The following CDH22 variants were observed in gnomAD, a reference collection of about 807,000 sequenced individuals.
The protein encoded by CDH22 is cadherin 22.
In CDH22, 30 loss-of-function variants were observed where a neutral mutation model predicts 58.4. The observed-to-expected ratio is 0.51, with a 90% CI of 0.38 to 0.70. The LOEUF (loss-of-function observed/expected upper bound fraction) is 0.70, where lower values mean the gene tolerates loss of function less well. Among genes scored for constraint, CDH22 ranks in the 30% least tolerant of loss-of-function variants. CDH22 has a pLI of 0.00. For missense variants in CDH22, 1,014 were observed against 1,233.9 expected (o/e 0.82, Z 2.67); for synonymous variants, 513 against 558.2 (o/e 0.92, Z 1.14).
chr20:46,181,627 CCCTTCCTTCCTTCTT>C (rs2085784957), intron 10 of CDH22, among the ~76,000 whole-genome samples: 1 of 142,856 alleles, frequency 7.0e-6, no homozygotes, highest in Non-Finnish European at 1.5e-5. Flanking sequence ...CTCCCTCCCT[CCCTTCCTTCCTTCTT>C]CCTCCCTCCC....
chr20:46,251,241 G>A lies in CDH22; in HGVS notation c.54C>T (p.Pro18=), dbSNP rs1275997106. 1 of 1,472,216 alleles carries A rather than the reference G, an allele frequency of 6.8e-7. No homozygotes were observed. The highest frequency in any genetic ancestry group is 1.3e-5 in the South Asian group (1 of 76,328). The allele number at this position is 1,472,216 out of a possible 1,614,324, so 91.2% of individuals were successfully genotyped here. A position where few individuals can be genotyped will look rare whatever the true frequency, so the allele number is the denominator to read the frequency against. Residue 18 remains proline (P), a synonymous_variant, in exon 2 of 12, where the codon CCC becomes CCT. Coordinates refer to ENST00000537909, the MANE Select transcript of CDH22 (RefSeq NM_021248.3). The surrounding 1 kb of genome is among the most constrained non-coding windows in gnomAD (Gnocchi z 6.7). Reference sequence around the variant, plus strand: ...GCAGCAGCAGCAGCAGCAGTAGCGCGGGGGACAGCGCGACTCCCGCCCGGA... The same window carrying A: ...GCAGCAGCAGCAGCAGCAGTAGCGCAGGGGACAGCGCGACTCCCGCCCGGA... ...RGLRAGVALS[P]ALLLLLLLPP...
chr20:46,262,681 G>T (rs1175891164), intron 1 of CDH22, among the ~76,000 whole-genome samples: 12 of 152,108 alleles, frequency 7.9e-5, no homozygotes, highest in Non-Finnish European at 1.5e-5. Context: ...TATGTGATGG[G>T]CCCAAGGTCA....
At chr20:46,273,447 A>G (rs183984164) in intron 1 of CDH22, among the ~76,000 whole-genome samples, 94 of 152,356 alleles carry the variant, frequency 6.2e-4, no homozygotes, top group Non-Finnish European at 1.1e-3. Context: ...CTAAACACAG[A>G]AATGGCTAAT....
intron 1 of CDH22, among the ~76,000 whole-genome samples, chr20:46,272,935 G>A (rs1309237679): frequency 1.3e-5 from 2 of 152,112 alleles, no homozygotes; most frequent in African/African-American, 2.4e-5. Flanking sequence ...TTTCTAGTGA[G>A]CATCTGCATA....
chr20:46,216,298 C>T lies in CDH22; in HGVS notation c.838+528G>A, dbSNP rs149487992. On this transcript the variant is annotated intron_variant, in intron 5 of 11. Transcript: ENST00000537909. The surrounding 1 kb of genome is among the most constrained non-coding windows in gnomAD (Gnocchi z 5.3). ...GCCTCCTAATTCAGAAGCACAGAGT[C>T]GCGCTACCCAGGCTCAGAGGAGGAG... 6.0e-4 allele frequency among the ~76,000 whole-genome samples: 91 copies of T among 152,298 alleles called. No homozygotes were observed. Among genetic ancestry groups the T allele is most frequent in the African/African-American group, 2.0e-3 (83 of 41,576 alleles).
intron 2 of CDH22, among the ~76,000 whole-genome samples, chr20:46,246,773 C>T (rs2086332472): frequency 6.6e-6 from 1 of 152,102 alleles, no homozygotes; most frequent in African/African-American, 2.4e-5. Context: ...GGTGCTGTTG[C>T]TAAGCTACCT....
intron 8 of CDH22, among the ~76,000 whole-genome samples, chr20:46,189,364 A>G (rs1447325112): frequency 6.6e-6 from 1 of 152,062 alleles, no homozygotes; most frequent in Non-Finnish European, 1.5e-5. Flanking sequence ...TTTTGGGAAG[A>G]GGGGGGTGAG....
rs2085719424 is a variant in CDH22, at chr20:46,174,455, C to T, written c.*51G>A. 3 of 1,283,038 alleles carry T rather than the reference C, an allele frequency of 2.3e-6. No individual in the cohort carries two copies. Among genetic ancestry groups the T allele is most frequent in the Non-Finnish European group, 3.1e-6 (3 of 979,548 alleles). 79.5% of individuals were successfully genotyped at this position (1,283,038 alleles called of 1,614,324 possible). On this transcript the variant is annotated 3_prime_UTR_variant, in exon 12 of 12. Coordinates refer to ENST00000537909, the MANE Select transcript of CDH22 (RefSeq NM_021248.3). This position sits in a 1 kb window ranked among gnomAD's most constrained non-coding sequence, Gnocchi z 4.4. The stretch of plus-strand genomic sequence containing the variant: ...GGGGAAACGCGTTGTCCTGGGGCCC[C>T]GGCGTGTGCTGGGCGGGTGAGCAGC...
intron 8 of CDH22, among the ~76,000 whole-genome samples, chr20:46,192,924 C>A (rs976032818): frequency 5.9e-5 from 9 of 151,944 alleles, no homozygotes; most frequent in Non-Finnish European, 1.3e-4. Flanking sequence ...TGCCCCCCCC[C>A]AGTGGGAGCA....
Position 46,199,502 on chromosome 20 carries a change from T to C in CDH22, c.1344A>G (p.Thr448=). 6.2e-7 allele frequency: 1 copy of C among 1,613,900 alleles called. No individual in the cohort carries two copies. Among genetic ancestry groups the C allele is most frequent in the Non-Finnish European group, 8.5e-7 (1 of 1,179,950 alleles). Residue 448 remains threonine (T), a synonymous_variant, in exon 8 of 12, where the codon ACA becomes ACG. Transcript: ENST00000537909. ...LDQIFDIDAD[T]GAIVTGKGLD... The stretch of plus-strand genomic sequence containing the variant: ...GCCCCTTGCCAGTCACGATGGCGCC[T>C]GTGTCCGCATCGATATCGAAGATCT...
rs988366224 is a variant in CDH22, at chr20:46,216,034, G to A, written c.838+792C>T. Among the ~76,000 whole-genome samples, 7 of 152,374 alleles carry A rather than the reference G, an allele frequency of 4.6e-5. No individual in the cohort carries two copies. The South Asian group carries it at 8.3e-4, about 18-fold the overall frequency. ...GATTGGATTCCCTTATCTCTCGGGGGTCAGTCCCCTGTGGCGGGGCCTAAT... is the reference window on the plus strand; with the variant it reads ...GATTGGATTCCCTTATCTCTCGGGGATCAGTCCCCTGTGGCGGGGCCTAAT... On this transcript the variant is annotated intron_variant, in intron 5 of 11. Transcript: ENST00000537909. The surrounding 1 kb of genome is among the most constrained non-coding windows in gnomAD (Gnocchi z 5.3).
chr20:46,225,120 C>T (rs867726031), intron 4 of CDH22, among the ~76,000 whole-genome samples: 4 of 152,346 alleles, frequency 2.6e-5, no homozygotes, highest in Middle Eastern at 3.4e-3. Flanking sequence ...GATACTCTCA[C>T]ACGTGGCTCA....
Position 46,251,837 on chromosome 20 carries a change from A to G in CDH22, c.-399-144T>C, listed in dbSNP as rs925041824. On this transcript the variant is annotated intron_variant, in intron 1 of 11. Transcript: ENST00000537909. This position sits in a 1 kb window ranked among gnomAD's most constrained non-coding sequence, Gnocchi z 6.7. ...GGTGGGACAGGCATCATAGCAACTC[A>G]CAGTGGTCCCCTCTTCTTGGAGCCC... 6.6e-6 allele frequency: 1 copy of G among 152,478 alleles called. No individual in the cohort carries two copies. Among genetic ancestry groups the G allele is most frequent in the African/African-American group, 2.4e-5 (1 of 41,336 alleles). 9.4% of individuals were successfully genotyped at this position (152,478 alleles called of 1,614,324 possible).
rs752436980 is a variant in CDH22 at position 46,241,013 on chromosome 20, C to T, written c.500G>A (p.Arg167His). ...KVQDINDSEP[R>H]FLHGPYIGSV... The stretch of plus-strand genomic sequence containing the variant: ...GCCAATATAGGGGCCGTGCAGGAAG[C>T]GGGGCTCACTGTCATTGATGTCCTG... Residue 167 changes from arginine (R) to histidine (H), a missense_variant, in exon 3 of 12, where the codon CGC (arginine) becomes CAC (histidine). Arg to His is a conservative substitution (Grantham distance 29, BLOSUM62 0). Coordinates refer to ENST00000537909, the MANE Select transcript of CDH22 (RefSeq NM_021248.3). This position sits in a 1 kb window ranked among gnomAD's most constrained non-coding sequence, Gnocchi z 5.2. 2.9e-5 allele frequency: 46 copies of T among 1,613,906 alleles called. No individual in the cohort carries two copies. Among genetic ancestry groups the T allele is most frequent in the Middle Eastern group, 1.6e-4 (1 of 6,080 alleles).
chr20:46,186,773 T>C (rs756811701), intron 9 of CDH22, 53 bp downstream of exon 9: 32 of 1,599,000 alleles, frequency 2.0e-5, no homozygotes, highest in Non-Finnish European at 2.5e-5. Flanking sequence ...AGGTAGAGGA[T>C]GCTGCTGGCC....
At chr20:46,226,417 C>A (rs960064152) in intron 4 of CDH22, among the ~76,000 whole-genome samples, 2 of 151,744 alleles carry the variant, frequency 1.3e-5, no homozygotes, top group African/African-American at 4.8e-5. Context: ...TCCTGAGTAG[C>A]TGGGACTAGA....
intron 7 of CDH22, among the ~76,000 whole-genome samples, chr20:46,201,551 A>T (rs1000006263): frequency 6.6e-6 from 1 of 152,068 alleles, no homozygotes; most frequent in Non-Finnish European, 1.5e-5. Flanking sequence ...CTGTTTGCTC[A>T]CCTGAAAAAG....
Position 46,241,144 on chromosome 20 carries a change from C to T in CDH22, c.369G>A (p.Glu123=). ...DELTGDIHAM[E]RLDREQKTFY... ...AGGTTTTCTGCTCGCGGTCCAGGCGCTCCATGGCATGAATGTCGCCTGTCA... is the reference window on the plus strand; with the variant it reads ...AGGTTTTCTGCTCGCGGTCCAGGCGTTCCATGGCATGAATGTCGCCTGTCA... The change falls in exon 3 of 12, where the codon GAG becomes GAA. Residue 123 remains glutamate (E), a synonymous_variant. Coordinates refer to ENST00000537909, the MANE Select transcript of CDH22 (RefSeq NM_021248.3). The surrounding 1 kb of genome is among the most constrained non-coding windows in gnomAD (Gnocchi z 5.2). The T allele has an allele frequency of 6.2e-7, 1 of 1,614,108 alleles. No homozygotes were observed. Among genetic ancestry groups the T allele is most frequent in the Non-Finnish European group, 8.5e-7 (1 of 1,179,998 alleles).
intron 5 of CDH22, among the ~76,000 whole-genome samples, chr20:46,215,671 AG>A (rs2086079112): frequency 6.6e-6 from 1 of 152,268 alleles, no homozygotes; most frequent in African/African-American, 2.4e-5. Context: ...AAAGACGGAA[AG>A]AAAAAGAAAG....
Sources: gnomAD v4.1 joint callset for allele counts (sites outside exome capture counted in the v4.1 genomes callset) on GRCh38, gnomAD v4.1.1 for gene constraint, Gnocchi (gnomAD v3.1) non-coding constraint, MANE v1.5 for transcripts, NCBI Gene and HGNC (gene_info 2026-07-23, HGNC 2026-07-21) for gene names.